TRPC4: variants seen among roughly 807,000 people sequenced by gnomAD.
TRPC4 encodes short transient receptor potential channel 4.
A neutral mutation model predicts 99.4 loss-of-function variants in TRPC4; 49 were observed. The ratio of observed to expected loss-of-function variants is 0.49; its 90% CI spans 0.39 to 0.63. The LOEUF (loss-of-function observed/expected upper bound fraction) is 0.63. Ranked by LOEUF, TRPC4 falls within the 20% of genes least tolerant of loss-of-function variation. The pLI, the probability that TRPC4 is intolerant of heterozygous loss-of-function variation, is 0.00. For missense variants in TRPC4, 898 were observed against 1,152.9 expected (o/e 0.78, Z 3.20); for synonymous variants, 454 against 425.9 (o/e 1.07, Z -0.81).
At chr13:37,650,607 C>CTT (rs1952011627) in intron 8 of TRPC4, among the ~76,000 whole-genome samples, 1 of 42,882 alleles carries the variant, frequency 2.3e-5, no homozygotes, top group Non-Finnish European at 4.9e-5. Flanking sequence ...CTCTCTCTCT[C>CTT]TCTATACACA....
chr13:37,752,622 A>C (rs527884807), intron 2 of TRPC4, among the ~76,000 whole-genome samples: 1 of 151,586 alleles, frequency 6.6e-6, no homozygotes, highest in Admixed American at 6.6e-5. Flanking sequence ...TTCTTTGCTA[A>C]GTTTTCCTAG....
chr13:37,707,965 T>C (rs80066862), intron 3 of TRPC4, among the ~76,000 whole-genome samples: 1 of 152,130 alleles, frequency 6.6e-6, no homozygotes, highest in African/African-American at 2.4e-5. Context: ...TTGGACCTCT[T>C]TGATCTGAGT....
chr13:37,847,910 C>T (rs1467427208), intron 1 of TRPC4, among the ~76,000 whole-genome samples: 1 of 151,940 alleles, frequency 6.6e-6, no homozygotes, highest in Non-Finnish European at 1.5e-5. Flanking sequence ...AGGTGGTGAC[C>T]AAACAGTACA....
chr13:37,715,370 G>T (rs1309876568), intron 3 of TRPC4, among the ~76,000 whole-genome samples: 3 of 152,112 alleles, frequency 2.0e-5, no homozygotes, highest in Non-Finnish European at 2.9e-5. Flanking sequence ...ATGAATAAGA[G>T]AATTTTCTAT....
At chr13:37,760,321 T>G (rs1402672472) in intron 2 of TRPC4, among the ~76,000 whole-genome samples, 2 of 151,936 alleles carry the variant, frequency 1.3e-5, no homozygotes, top group Non-Finnish European at 2.9e-5. Flanking sequence ...GGTGTTTGCC[T>G]TTTCCCTCTC....
intron 1 of TRPC4, among the ~76,000 whole-genome samples, chr13:37,829,978 T>A (rs115620429): frequency 0.026 from 3,902 of 152,022 alleles, 98 homozygotes; most frequent in African/African-American, 0.072. Context: ...TTGCCAGGGG[T>A]TGGATGGGGC....
At chr13:37,739,927 C>G (rs186302492) in intron 3 of TRPC4, among the ~76,000 whole-genome samples, 1 of 152,142 alleles carries the variant, frequency 6.6e-6, no homozygotes, top group Admixed American at 6.6e-5. Context: ...TTTTAGACAT[C>G]CCAGATTAAA....
intron 3 of TRPC4, among the ~76,000 whole-genome samples, chr13:37,707,764 C>A (rs962908545): frequency 2.0e-5 from 3 of 152,110 alleles, no homozygotes; most frequent in African/African-American, 7.2e-5. Context: ...GGAACCAAGA[C>A]TATGCTTCTA....
chr13:37,680,502 C>A (rs544265174), intron 4 of TRPC4, among the ~76,000 whole-genome samples: 1 of 152,190 alleles, frequency 6.6e-6, no homozygotes, highest in African/African-American at 2.4e-5. Flanking sequence ...AAATTGCCAA[C>A]GATTGCTTCT....
At chr13:37,821,850 G>C (rs1958021230) in intron 1 of TRPC4, among the ~76,000 whole-genome samples, 1 of 151,940 alleles carries the variant, frequency 6.6e-6, no homozygotes, top group Non-Finnish European at 1.5e-5. Context: ...ACCCAAAACT[G>C]TAAAAATCCT....
At chr13:37,768,504 T>C (rs1389539762) in intron 2 of TRPC4, among the ~76,000 whole-genome samples, 2 of 124,470 alleles carry the variant, frequency 1.6e-5, no homozygotes, top group South Asian at 2.8e-4. Flanking sequence ...TGTTGATAAA[T>C]TCATGGGAGG....
chr13:37,639,015 T>C, intron 10 of TRPC4, 25 bp downstream of exon 10: 15 of 1,609,586 alleles, frequency 9.3e-6, no homozygotes, highest in Non-Finnish European at 1.3e-5. Context: ...AATCTGCCTC[T>C]TGTGATGAAG....
chr13:37,704,311 C>T (rs2138950284), intron 3 of TRPC4, among the ~76,000 whole-genome samples: 1 of 152,228 alleles, frequency 6.6e-6, no homozygotes, highest in South Asian at 2.1e-4. Flanking sequence ...CAGGTGTATA[C>T]ATTTTACAAA....
At chr13:37,787,017 T>A (rs1956988078) in intron 1 of TRPC4, among the ~76,000 whole-genome samples, 1 of 151,870 alleles carries the variant, frequency 6.6e-6, no homozygotes, top group African/African-American at 2.4e-5. Flanking sequence ...CTAAGCAACA[T>A]AAAGATATAC....
In TRPC4 at chr13:37,637,416, T is replaced by C; in HGVS notation, c.2421A>G (p.Ser807=). Residue 807 remains serine, a synonymous_variant, in exon 11 of 11, where the codon TCA becomes TCG. Coordinates refer to ENST00000379705, the MANE Select transcript of TRPC4 (RefSeq NM_016179.4). The stretch of plus-strand genomic sequence containing the variant: ...TATGTCTTTCAGAGGCAATTGCTGC[T>C]GATCTCGGATGAATCAGGGTGGTTA... The part of the protein sequence containing the change: ...FDLTTLIHPR[S]AAIASERHNI... 6.2e-7 allele frequency: 1 copy of C among 1,613,826 alleles called. No homozygotes were observed. The highest frequency in any genetic ancestry group is 8.5e-7 in the Non-Finnish European group (1 of 1,179,830).
intron 1 of TRPC4, among the ~76,000 whole-genome samples, chr13:37,796,928 C>CAAAAATAAAATAAAATAA (rs2139412424): frequency 2.9e-4 from 1 of 3,390 alleles, no homozygotes; most frequent in African/African-American, 7.7e-4. Context: ...CTCCTCTCTA[C>CAAAAATAAAATAAAATAA]AAAAATAAAA....
intron 4 of TRPC4, among the ~76,000 whole-genome samples, chr13:37,691,236 G>A (rs948361255): frequency 6.6e-6 from 1 of 152,014 alleles, no homozygotes; most frequent in African/African-American, 2.4e-5. Context: ...CGAGTAGCTG[G>A]GACTACAGGC....
chr13:37,682,922 CTTTTT>C (rs35740848), intron 4 of TRPC4, among the ~76,000 whole-genome samples: 3 of 109,344 alleles, frequency 2.7e-5, no homozygotes, highest in Non-Finnish European at 3.7e-5. Flanking sequence ...GCCCAGCTAT[CTTTTT>C]TTTTTTTTTT....
intron 3 of TRPC4, among the ~76,000 whole-genome samples, chr13:37,699,321 T>C (rs1954024910): frequency 6.6e-6 from 1 of 152,154 alleles, no homozygotes. Context: ...CGTATGTGCA[T>C]ATACATATAC....
Sources: gnomAD v4.1 joint callset for allele counts (sites outside exome capture counted in the v4.1 genomes callset) on GRCh38, gnomAD v4.1.1 for gene constraint, MANE v1.5 for transcripts, NCBI Gene and HGNC (gene_info 2026-07-23, HGNC 2026-07-21) for gene names.